EVA1C: variants seen among roughly 807,000 people sequenced by gnomAD.
The protein encoded by EVA1C is eva-1 homolog C.
A neutral mutation model predicts 45.4 loss-of-function variants in EVA1C; 25 were observed. The ratio of observed to expected loss-of-function variants is 0.55; its 90% CI spans 0.40 to 0.77. EVA1C has a LOEUF of 0.77. Ranked by LOEUF, EVA1C falls within the 30% of genes least tolerant of loss-of-function variation. The probability of loss-of-function intolerance (pLI) is 0.00; values close to 1 mark genes in which losing one functional copy is unlikely to be tolerated. For synonymous variants in EVA1C, 190 were observed against 221.2 expected, an observed-to-expected ratio of 0.86 and a Z score of 1.25; for missense variants, 479 against 554.8, an observed-to-expected ratio of 0.86 and a Z score of 1.37.
intron 4 of EVA1C, among the ~76,000 whole-genome samples, chr21:32,482,647 A>G (rs1468044867): frequency 6.6e-6 from 1 of 152,162 alleles, no homozygotes; most frequent in Non-Finnish European, 1.5e-5. Context: ...CATGAGACCC[A>G]CATGCCTCGA....
chr21:32,468,009 C>CATAT (rs34740520), intron 4 of EVA1C, 161 bp downstream of exon 4: 133,641 of 367,610 alleles, frequency 0.36, 26,108 homozygotes, highest in East Asian at 0.54. Context: ...AATAAACTCC[C>CATAT]GTGTGTGTGT....
chr21:32,417,834 C>T (rs908376337), intron 1 of EVA1C, among the ~76,000 whole-genome samples: 1 of 152,192 alleles, frequency 6.6e-6, no homozygotes, highest in African/African-American at 2.4e-5. Context: ...TATCTATGGA[C>T]ATTCAGGCTG....
At position 32,508,558 on chromosome 21, in the gene EVA1C, C is replaced by T. The variant is rs569992191; in HGVS notation, c.949+4543C>T. ...ACTGGAAATCAGCACCACCTTGTCA[C>T]GGAGATATGGATTCGGATGTGTTCC... On this transcript the variant is annotated intron_variant, in intron 7 of 7. Transcript: ENST00000300255. 7.2e-5 allele frequency among the ~76,000 whole-genome samples: 11 copies of T among 152,348 alleles called. No homozygotes were observed. In the East Asian group the frequency reaches 1.2e-3, roughly 16 times the overall value.
intron 1 of EVA1C, among the ~76,000 whole-genome samples, chr21:32,442,544 A>T (rs1288335169): frequency 2.0e-5 from 3 of 151,852 alleles, no homozygotes; most frequent in Non-Finnish European, 4.4e-5. Flanking sequence ...AGAAAAGAAC[A>T]TCTTTTTCTG....
intron 4 of EVA1C, among the ~76,000 whole-genome samples, chr21:32,470,238 C>T (rs1017179006): frequency 3.3e-5 from 5 of 152,144 alleles, no homozygotes; most frequent in African/African-American, 9.7e-5. Flanking sequence ...GTGAGCTAAG[C>T]GCACTTTAAC....
Position 32,412,966 on chromosome 21 carries a change from C to G in EVA1C, c.113C>G (p.Thr38Ser). 6.5e-7 allele frequency: 1 copy of G among 1,526,988 alleles called. No homozygotes were observed. Among genetic ancestry groups the G allele is most frequent in the Non-Finnish European group, 8.8e-7 (1 of 1,136,132 alleles). 94.6% of individuals were successfully genotyped at this position (1,526,988 alleles called of 1,614,324 possible). ...PGQLLRLFYC[T>S]VLVCSKEISA... ...CAGCTCCTGCGCCTCTTCTACTGCA[C>G]TGTCCTGGTCTGCTCCAAAGAGATC... The change falls in exon 1 of 8, where the codon ACT (threonine) becomes AGT (serine). Residue 38 changes from threonine to serine, a missense_variant. By Grantham distance (58) the Thr-to-Ser change is moderately conservative. Coordinates refer to ENST00000300255, the MANE Select transcript of EVA1C (RefSeq NM_058187.5).
At chr21:32,470,772 T>G (rs1014014817) in intron 4 of EVA1C, among the ~76,000 whole-genome samples, 3 of 151,728 alleles carry the variant, frequency 2.0e-5, no homozygotes, top group Non-Finnish European at 4.4e-5. Flanking sequence ...TTCTTTTTTT[T>G]TTTTGAGATG....
intron 1 of EVA1C, 128 bp downstream of exon 1, chr21:32,413,141 T>G: frequency 2.6e-6 from 2 of 771,872 alleles, no homozygotes; most frequent in Non-Finnish European, 3.6e-6. Context: ...TCACAGACAC[T>G]TGTCTGGTGT....
intron 7 of EVA1C, among the ~76,000 whole-genome samples, chr21:32,514,230 C>T (rs919568635): frequency 6.6e-6 from 1 of 152,162 alleles, no homozygotes; most frequent in Non-Finnish European, 1.5e-5. Context: ...TTTATATTTA[C>T]TTTTTAATCT....
chr21:32,420,284 T>C (rs548954717), intron 1 of EVA1C, among the ~76,000 whole-genome samples: 2 of 152,326 alleles, frequency 1.3e-5, no homozygotes, highest in African/African-American at 4.8e-5. Context: ...GCAGGAGAAT[T>C]GCTTGAGCCT....
intron 5 of EVA1C, chr21:32,496,796 T>C (rs1250904389): frequency 5.3e-6 from 4 of 760,682 alleles, no homozygotes; most frequent in South Asian, 1.4e-5. Flanking sequence ...GGGGCCGCCA[T>C]AGCCCTGGGA....
intron 4 of EVA1C, among the ~76,000 whole-genome samples, chr21:32,491,681 C>CAAAAAAAAA: frequency 1.7e-5 from 1 of 57,682 alleles, no homozygotes; most frequent in Non-Finnish European, 3.3e-5. Flanking sequence ...GAGACTCTGT[C>CAAAAAAAAA]AAAAAAAAAA....
intron 1 of EVA1C, among the ~76,000 whole-genome samples, chr21:32,417,240 C>A (rs2034083922): frequency 6.6e-6 from 1 of 152,252 alleles, no homozygotes; most frequent in African/African-American, 2.4e-5. Flanking sequence ...GTACTACAGA[C>A]TGGGTGGCTT....
intron 1 of EVA1C, among the ~76,000 whole-genome samples, chr21:32,444,161 G>A (rs2146214117): frequency 6.6e-6 from 1 of 152,084 alleles, no homozygotes; most frequent in Admixed American, 6.5e-5. Context: ...GTGACCAAAT[G>A]TTTGGGGATT....
intron 1 of EVA1C, among the ~76,000 whole-genome samples, chr21:32,414,040 TAGCA>T (rs1231324139): frequency 1.3e-5 from 2 of 152,216 alleles, no homozygotes; most frequent in African/African-American, 4.8e-5. Context: ...GGCTAGTACA[TAGCA>T]AAGAACAAGG....
chr21:32,448,981 A>G (rs11910731), intron 1 of EVA1C, among the ~76,000 whole-genome samples: 2,538 of 149,862 alleles, frequency 0.017, 72 homozygotes, highest in African/African-American at 0.06. Context: ...GAAAGAAAGA[A>G]AGAGAGAAAG....
chr21:32,495,202 G>A (rs1445770677), intron 5 of EVA1C, 32 bp downstream of exon 5: 1 of 1,608,378 alleles, frequency 6.2e-7, no homozygotes, highest in Non-Finnish European at 8.5e-7. Context: ...GCTGCCTGAT[G>A]ACACTGCCTC....
intron 4 of EVA1C, among the ~76,000 whole-genome samples, chr21:32,489,850 T>G (rs991078499): frequency 2.0e-5 from 3 of 152,210 alleles, no homozygotes; most frequent in Non-Finnish European, 4.4e-5. Context: ...TAATTTTTTA[T>G]GCCATTGTAA....
chr21:32,412,398 G>T (rs78861468), upstream of EVA1C: 9 of 152,576 alleles, frequency 5.9e-5, no homozygotes, highest in African/African-American at 1.9e-4. Flanking sequence ...GCTGGCACCC[G>T]GCCAGCGCGG....
Sources: gnomAD v4.1 joint callset for allele counts (sites outside exome capture counted in the v4.1 genomes callset) on GRCh38, gnomAD v4.1.1 for gene constraint, MANE v1.5 for transcripts, NCBI Gene and HGNC (gene_info 2026-07-23, HGNC 2026-07-21) for gene names.